PNPLA8: variants seen among roughly 807,000 people sequenced by gnomAD.
PNPLA8 encodes the protein calcium-independent phospholipase A2-gamma.
PNPLA8 carries 39 observed loss-of-function variants against 76.9 expected under a neutral mutation model. That is an observed-to-expected ratio of 0.51 (90% CI 0.39 to 0.66). The LOEUF (loss-of-function observed/expected upper bound fraction) is 0.66. Among genes scored for constraint, PNPLA8 ranks in the 30% least tolerant of loss-of-function variants. The pLI, the probability that PNPLA8 is intolerant of heterozygous loss-of-function variation, is 0.00. For missense variants in PNPLA8, 887 were observed against 918.0 expected, an observed-to-expected ratio of 0.97 and a Z score of 0.44; for synonymous variants, 301 against 307.9, an observed-to-expected ratio of 0.98 and a Z score of 0.24.
intron 10 of PNPLA8, 119 bp downstream of exon 10, chr7:108,479,065 T>A: frequency 1.5e-6 from 1 of 662,630 alleles, no homozygotes; most frequent in South Asian, 2.0e-5. Flanking sequence ...TCCCATGTAC[T>A]TCCTAAATCC....
intron 9 of PNPLA8, among the ~76,000 whole-genome samples, chr7:108,482,944 T>G (rs1272425467): frequency 6.6e-6 from 1 of 152,220 alleles, no homozygotes; most frequent in African/African-American, 2.4e-5. Flanking sequence ...GCCCTACTAA[T>G]GAAGCATACT....
At chr7:108,480,329 C>T (rs1169173944) in intron 9 of PNPLA8, among the ~76,000 whole-genome samples, 5 of 152,182 alleles carry the variant, frequency 3.3e-5, no homozygotes, top group Admixed American at 1.3e-4. Flanking sequence ...GATCACACCA[C>T]TGCACTCTAG....
At chr7:108,481,683 G>T (rs1194485044) in intron 9 of PNPLA8, among the ~76,000 whole-genome samples, 2 of 152,110 alleles carry the variant, frequency 1.3e-5, no homozygotes, top group African/African-American at 4.8e-5. Context: ...TTTTAATTTT[G>T]ATGAAGTCCA....
At chr7:108,489,644 A>C (rs1440871137) in intron 8 of PNPLA8, among the ~76,000 whole-genome samples, 1 of 152,210 alleles carries the variant, frequency 6.6e-6, no homozygotes, top group African/African-American at 2.4e-5. Context: ...TTTGCCCACA[A>C]ATGAATCCAA....
rs148706316 is a variant in PNPLA8, at chr7:108,510,553, G to A, written c.1206+3591C>T. 3.3e-4 allele frequency: 462 copies of A among 1,415,826 alleles called. 2 individuals carry two copies. The East Asian group carries it at 6.5e-3, about 20-fold the overall frequency. 87.7% of individuals were successfully genotyped at this position (1,415,826 alleles called of 1,614,324 possible). A position where few individuals can be genotyped will look rare whatever the true frequency, so the allele number is the denominator to read the frequency against. On this transcript the variant is annotated intron_variant, in intron 4 of 10. Transcript: ENST00000257694. ...GCGTGAGCCCAAAGGTCCGAAAGGT[G>A]TTGCAGCTTCTTCGCCTTCGTCAAA... is the stretch of plus-strand genomic sequence containing the variant.
chr7:108,511,040 G>GAAAAAAA (rs60102827), intron 4 of PNPLA8: 2 of 366,968 alleles, frequency 5.5e-6, no homozygotes, highest in Non-Finnish European at 4.6e-6. Context: ...TCTCAAATTG[G>GAAAAAAA]AAAAAAAAAA....
rs143020966 is a variant in PNPLA8 at position 108,511,608 on chromosome 7, A to C, written c.1206+2536T>G. Among the ~76,000 whole-genome samples, 446 of 152,304 alleles carry C rather than the reference A, an allele frequency of 2.9e-3. 12 individuals are homozygous for C. Among genetic ancestry groups the C allele is most frequent in the Admixed American group, 0.026 (394 of 15,300 alleles). The stretch of plus-strand genomic sequence containing the variant: ...TTAACCAGCCTAATGTCTTCAATTA[A>C]ATCAGTTTTAAAGGTGCAGGTGAAG... On this transcript the variant is annotated intron_variant, in intron 4 of 10. Transcript: ENST00000257694.
rs1169848422 is a variant in PNPLA8 at position 108,507,286 on chromosome 7, T to A, written c.1207-4644A>T. 3.1e-5 allele frequency among the ~76,000 whole-genome samples: 4 copies of A among 130,384 alleles called. No homozygotes were observed. The East Asian group carries it at 8.8e-4, about 29-fold the overall frequency. 85.5% of individuals were successfully genotyped at this position (130,384 alleles called of 152,430 possible). ...TGAACCCCGGAGGTGGAGGTTGCAG[T>A]GAGCTGAGATCACACCACTGCACTC... On this transcript the variant is annotated intron_variant, in intron 4 of 10. Transcript: ENST00000257694.
intron 8 of PNPLA8, among the ~76,000 whole-genome samples, chr7:108,488,442 G>A (rs1274719596): frequency 6.6e-6 from 1 of 152,000 alleles, no homozygotes; most frequent in Non-Finnish European, 1.5e-5. Flanking sequence ...AGCTGGACAT[G>A]ATGGCAGGTG....
chr7:108,473,919 G>A (rs1361848792), intron 10 of PNPLA8, among the ~76,000 whole-genome samples: 4 of 152,046 alleles, frequency 2.6e-5, no homozygotes, highest in Admixed American at 6.6e-5. Flanking sequence ...TGACCAGGCT[G>A]GTCTCAAACT....
At chr7:108,524,788 CAG>C (rs947775615) in intron 1 of PNPLA8, among the ~76,000 whole-genome samples, 3 of 152,190 alleles carry the variant, frequency 2.0e-5, no homozygotes, top group Non-Finnish European at 4.4e-5. Context: ...GCCTGGGCGA[CAG>C]AGAGAGACTC....
Position 108,503,069 on chromosome 7 carries a change from T to C in PNPLA8, c.1207-427A>G, listed in dbSNP as rs189671389. Among the ~76,000 whole-genome samples the C allele has an allele frequency of 5.3e-5, 8 of 152,320 alleles. No homozygotes were observed. The East Asian group carries it at 1.2e-3, about 22-fold the overall frequency. ...GAAATAATGAACCATCTTGTATACA[T>C]TGCATATGGGATTCAAGGTTGCCTC... On this transcript the variant is annotated intron_variant, in intron 4 of 10. Transcript: ENST00000257694.
Position 108,472,280 on chromosome 7 carries a change from A to G in PNPLA8, c.*121T>C. ...AGCTGGTTGAAGCACCGTCTTTTTC[A>G]GGATTCTCCAGAATTCATACGTATT... On this transcript the variant is annotated 3_prime_UTR_variant, in exon 11 of 11. Coordinates refer to ENST00000257694, the MANE Select transcript of PNPLA8 (RefSeq NM_001256007.3). 1 of 683,688 alleles carries G rather than the reference A, an allele frequency of 1.5e-6. No homozygotes were observed. The highest frequency in any genetic ancestry group is 2.5e-6 in the Non-Finnish European group (1 of 406,036). The allele number at this position is 683,688 out of a possible 1,614,324, so 42.4% of individuals were successfully genotyped here.
At chr7:108,479,418 G>A (rs757431383) in intron 9 of PNPLA8, 39 bp from the exon 10 acceptor site, 1 of 1,386,644 alleles carries the variant, frequency 7.2e-7, no homozygotes, top group Non-Finnish European at 1.0e-6. Flanking sequence ...TTTTAAAACT[G>A]ACTCACGGGG....
Position 108,472,272 on chromosome 7 carries a change from T to C in PNPLA8, c.*129A>G, listed in dbSNP as rs1488439275. On this transcript the variant is annotated 3_prime_UTR_variant, in exon 11 of 11. Coordinates refer to ENST00000257694, the MANE Select transcript of PNPLA8 (RefSeq NM_001256007.3). The stretch of plus-strand genomic sequence containing the variant: ...GCTATGCAAGCTGGTTGAAGCACCG[T>C]CTTTTTCAGGATTCTCCAGAATTCA... 1 of 653,622 alleles carries C rather than the reference T, an allele frequency of 1.5e-6. No homozygotes were observed. Among genetic ancestry groups the C allele is most frequent in the Non-Finnish European group, 2.6e-6 (1 of 381,076 alleles). 40.5% of individuals were successfully genotyped at this position (653,622 alleles called of 1,614,324 possible).
chr7:108,514,717 C>G lies in PNPLA8; in HGVS notation c.775G>C (p.Gly259Arg). 6.2e-7 allele frequency: 1 copy of G among 1,614,006 alleles called. No homozygotes were observed. Among genetic ancestry groups the G allele is most frequent in the Non-Finnish European group, 8.5e-7 (1 of 1,179,910 alleles). Residue 259 changes from glycine to arginine, a missense_variant, in exon 3 of 11, where the codon GGC becomes CGC. Physicochemically the swap from Gly to Arg is moderately radical, Grantham distance 125 (BLOSUM62 -2). Transcript: ENST00000257694. ...TCCACCGTATGTACAGATTCTGAGC[C>G]TGGCTTATAAGCCAGGATGCCAGGA... ...PDPGILAYKP[G>R]SESVHTVDKP...
intron 4 of PNPLA8, among the ~76,000 whole-genome samples, chr7:108,503,575 C>T (rs1230699103): frequency 2.0e-5 from 3 of 152,116 alleles, no homozygotes; most frequent in African/African-American, 4.8e-5. Flanking sequence ...CAGATCAACG[C>T]TCACATCAAC....
At chr7:108,487,386 C>T (rs527749520) in intron 9 of PNPLA8, among the ~76,000 whole-genome samples, 2 of 152,264 alleles carry the variant, frequency 1.3e-5, no homozygotes, top group Admixed American at 1.3e-4. Context: ...TCCCTTTCTT[C>T]AAAATATGCC....
chr7:108,505,551 C>T (rs1394863461), intron 4 of PNPLA8, among the ~76,000 whole-genome samples: 3 of 149,938 alleles, frequency 2.0e-5, no homozygotes, highest in African/African-American at 7.4e-5. Context: ...TTAGTAGAGA[C>T]GAGGTTTCAC....
Sources: gnomAD v4.1 joint callset for allele counts (sites outside exome capture counted in the v4.1 genomes callset) on GRCh38, gnomAD v4.1.1 for gene constraint, MANE v1.5 for transcripts, NCBI Gene and HGNC (gene_info 2026-07-23, HGNC 2026-07-21) for gene names.